The following ERC2 variants were observed in gnomAD, a reference collection of about 807,000 sequenced individuals.
The protein encoded by ERC2 is ELKS/RAB6-interacting/CAST family member 2.
In ERC2, 42 loss-of-function variants were observed where a neutral mutation model predicts 114.8. The ratio of observed to expected loss-of-function variants is 0.37; its 90% CI spans 0.29 to 0.47. The LOEUF is 0.47. ERC2 is among the 20% of genes least tolerant of loss of function. The pLI, the probability that ERC2 is intolerant of heterozygous loss-of-function variation, is 0.99. For missense variants in ERC2, 939 were observed against 1,150.7 expected (o/e 0.82, Z 2.66); for synonymous variants, 454 against 425.5 (o/e 1.07, Z -0.82).
intron 7 of ERC2, among the ~76,000 whole-genome samples, chr3:56,070,139 C>A (rs538768727): frequency 6.6e-4 from 100 of 152,254 alleles, no homozygotes; most frequent in African/African-American, 2.1e-3. Flanking sequence ...GTGTAAAATT[C>A]TTCACAGCAA....
At chr3:55,513,643 T>C (rs1191143294) in intron 17 of ERC2, among the ~76,000 whole-genome samples, 1 of 152,028 alleles carries the variant, frequency 6.6e-6, no homozygotes, top group African/African-American at 2.4e-5. Flanking sequence ...TATACATATC[T>C]TTTATTTTAA....
chr3:55,560,593 C>T (rs937887252), intron 17 of ERC2, among the ~76,000 whole-genome samples: 1 of 152,120 alleles, frequency 6.6e-6, no homozygotes, highest in Non-Finnish European at 1.5e-5. Flanking sequence ...TGCTCCAACC[C>T]AGGACAGCCA....
At chr3:55,978,612 C>G (rs142677837) in intron 12 of ERC2, among the ~76,000 whole-genome samples, 41 of 152,314 alleles carry the variant, frequency 2.7e-4, no homozygotes, top group African/African-American at 9.9e-4. Context: ...CTCCTATGTG[C>G]CTTGACTGTG....
chr3:56,353,249 A>G (rs2058617900), intron 2 of ERC2, among the ~76,000 whole-genome samples: 1 of 151,900 alleles, frequency 6.6e-6, no homozygotes, highest in African/African-American at 2.4e-5. Context: ...TCTACAACCC[A>G]TCCATCCCTC....
At chr3:56,227,554 A>C (rs181862896) in intron 3 of ERC2, among the ~76,000 whole-genome samples, 15 of 151,990 alleles carry the variant, frequency 9.9e-5, no homozygotes, top group Non-Finnish European at 1.5e-4. Context: ...AGCCCCCCTG[A>C]CTCCGCTTTG....
intron 14 of ERC2, among the ~76,000 whole-genome samples, chr3:55,885,730 G>A (rs116552045): frequency 3.5e-4 from 53 of 152,214 alleles, no homozygotes; most frequent in Non-Finnish European, 6.2e-4. Context: ...GCTAAACAGA[G>A]GACATATTTT....
chr3:56,221,510 G>C, intron 3 of ERC2, among the ~76,000 whole-genome samples: 1 of 151,970 alleles, frequency 6.6e-6, no homozygotes, highest in Non-Finnish European at 1.5e-5. Flanking sequence ...ACCTCCTATA[G>C]AAGAGAACAC....
At chr3:55,795,854 T>G (rs2070432595) in intron 14 of ERC2, among the ~76,000 whole-genome samples, 1 of 152,202 alleles carries the variant, frequency 6.6e-6, no homozygotes, top group Admixed American at 6.5e-5. Context: ...GGTTGCTTCA[T>G]CATTCAGCAA....
At chr3:55,597,419 C>A (rs1242079172) in intron 17 of ERC2, among the ~76,000 whole-genome samples, 179 of 128,388 alleles carry the variant, frequency 1.4e-3, no homozygotes, top group South Asian at 2.2e-3. Context: ...GACTCCAACT[C>A]AAAAAAAAAA....
chr3:55,701,563 A>G (rs1447084028), intron 15 of ERC2, among the ~76,000 whole-genome samples: 1 of 152,194 alleles, frequency 6.6e-6, no homozygotes, highest in Admixed American at 6.5e-5. Flanking sequence ...AAAACTGTCT[A>G]TATGAATAAA....
chr3:55,537,702 A>G (rs2107316984), intron 17 of ERC2, among the ~76,000 whole-genome samples: 1 of 152,348 alleles, frequency 6.6e-6, no homozygotes, highest in South Asian at 2.1e-4. Flanking sequence ...GAAGGAAATT[A>G]AAAAGACAAA....
chr3:56,426,184 C>T (rs1214201992), intron 2 of ERC2, among the ~76,000 whole-genome samples: 1 of 152,202 alleles, frequency 6.6e-6, no homozygotes, highest in Non-Finnish European at 1.5e-5. Context: ...GCCAGGATTT[C>T]TCAGACTTAT....
intron 5 of ERC2, among the ~76,000 whole-genome samples, chr3:56,143,771 TACTC>T (rs1341505249): frequency 6.6e-6 from 1 of 152,226 alleles, no homozygotes; most frequent in African/African-American, 2.4e-5. Context: ...GGTTCTTTCT[TACTC>T]AAGAGCTCAT....
In ERC2 at chr3:56,391,303, A is replaced by C. The variant is rs374483598; in HGVS notation, c.657+43048T>G. Among the ~76,000 whole-genome samples the C allele has an allele frequency of 2.0e-5, 3 of 152,198 alleles. No homozygotes were observed. In the East Asian group the frequency reaches 5.8e-4, roughly 29 times the overall value. On this transcript the variant is annotated intron_variant, in intron 2 of 17. Coordinates refer to ENST00000288221, the MANE Select transcript of ERC2 (RefSeq NM_015576.3). The stretch of plus-strand genomic sequence containing the variant: ...ACTCCATCTAAGTTGCCTGGTCACA[A>C]CTTCCAATGTGCACCATTGACTACA...
intron 2 of ERC2, among the ~76,000 whole-genome samples, chr3:56,368,491 TCAA>T (rs1289528702): frequency 6.6e-6 from 1 of 152,196 alleles, no homozygotes; most frequent in African/African-American, 2.4e-5. Flanking sequence ...AAGATAACCT[TCAA>T]CAACATGCAA....
intron 2 of ERC2, among the ~76,000 whole-genome samples, chr3:56,301,821 C>G (rs1361171135): frequency 6.6e-6 from 1 of 152,110 alleles, no homozygotes; most frequent in African/African-American, 2.4e-5. Context: ...ACTTTCTGTG[C>G]CTCGGTCTCC....
At chr3:55,823,547 G>A (rs925899148) in intron 14 of ERC2, among the ~76,000 whole-genome samples, 4 of 152,072 alleles carry the variant, frequency 2.6e-5, no homozygotes, top group Admixed American at 6.5e-5. Context: ...ACAAATGATT[G>A]GTTTAGACAT....
intron 10 of ERC2, 108 bp downstream of exon 10, chr3:56,007,073 G>C: frequency 1.1e-6 from 1 of 942,054 alleles, no homozygotes. Context: ...TTTATCAGCA[G>C]ACAGCAACAG....
chr3:56,358,580 G>C (rs1560663962), intron 2 of ERC2, among the ~76,000 whole-genome samples: 1 of 152,218 alleles, frequency 6.6e-6, no homozygotes, highest in South Asian at 2.1e-4. Context: ...CACATAGCTT[G>C]GTTTCTAAAA....
Sources: allele counts gnomAD v4.1 joint callset (sites outside exome capture counted in the v4.1 genomes callset), GRCh38; gene constraint gnomAD v4.1.1; transcripts MANE v1.5; gene names NCBI Gene and HGNC (gene_info 2026-07-23, HGNC 2026-07-21).